ANKRD17: variants seen among roughly 807,000 people sequenced by gnomAD.
ANKRD17 encodes the protein ankyrin repeat domain 17, also known as ankyrin repeat domain-containing protein 17.
ANKRD17 carries 19 observed loss-of-function variants against 229.7 expected under a neutral mutation model. The ratio of observed to expected loss-of-function variants is 0.08; its 90% CI spans 0.06 to 0.12. The LOEUF is 0.12. Among genes scored for constraint, ANKRD17 ranks in the 10% least tolerant of loss-of-function variants. The pLI, the probability that ANKRD17 is intolerant of heterozygous loss-of-function variation, is 1.00. For missense variants in ANKRD17, 2,176 were observed against 3,176.8 expected, an observed-to-expected ratio of 0.68 and a Z score of 7.57; for synonymous variants, 1,112 against 1,146.1, an observed-to-expected ratio of 0.97 and a Z score of 0.60.
chr4:73,151,392 A>C lies in ANKRD17; in HGVS notation c.1329+38T>G, dbSNP rs1730988899. On this transcript the variant is annotated intron_variant, in intron 7 of 33. Coordinates refer to ENST00000358602, the MANE Select transcript of ANKRD17 (RefSeq NM_032217.5). Reference sequence around the variant, plus strand: ...TATACTACTCTGTCTCTCCCTGGTTAATATATAAACATATTTGACATATTT... The same window carrying C: ...TATACTACTCTGTCTCTCCCTGGTTCATATATAAACATATTTGACATATTT... 3 of 1,578,974 alleles carry C rather than the reference A, an allele frequency of 1.9e-6. No homozygotes were observed. In the Admixed American group the frequency reaches 5.1e-5, roughly 27 times the overall value.
At chr4:73,135,739 A>C (rs911879324) in intron 15 of ANKRD17, among the ~76,000 whole-genome samples, 24 of 152,194 alleles carry the variant, frequency 1.6e-4, no homozygotes, top group African/African-American at 4.6e-4. Context: ...TCACTATGCA[A>C]TCATTTAAAA....
chr4:73,113,252 A>G (rs1172653244), intron 24 of ANKRD17: 1 of 1,289,378 alleles, frequency 7.8e-7, no homozygotes, highest in African/African-American at 1.5e-5. Context: ...TCCAAACTAT[A>G]TGCTGTTTTG....
chr4:73,160,061 A>G (rs1331068209), intron 3 of ANKRD17, among the ~76,000 whole-genome samples: 1 of 152,138 alleles, frequency 6.6e-6, no homozygotes, highest in Non-Finnish European at 1.5e-5. Context: ...GATGTTCTCA[A>G]TTGTTTTAAG....
rs1026179151 is a variant in ANKRD17 at position 73,223,117 on chromosome 4, T to C, written c.393+35159A>G. The C allele has an allele frequency of 4.6e-5, 65 of 1,419,620 alleles. No individual in the cohort carries two copies. The Middle Eastern group carries it at 8.7e-4, about 19-fold the overall frequency. 87.9% of individuals were successfully genotyped at this position (1,419,620 alleles called of 1,614,324 possible). On this transcript the variant is annotated intron_variant, in intron 1 of 33. Transcript: ENST00000358602. ...TCTGTGTCAGCAAGGGAACAGGAAA[T>C]GGAATGTTCTATTACATGCCTAAAG... is the stretch of plus-strand genomic sequence containing the variant.
At chr4:73,087,447 G>C (rs1412945351) in intron 29 of ANKRD17, among the ~76,000 whole-genome samples, 1 of 152,102 alleles carries the variant, frequency 6.6e-6, no homozygotes, top group Non-Finnish European at 1.5e-5. Context: ...GCTCCTTCCT[G>C]AAATATTTGA....
chr4:73,173,740 T>C (rs1734344667), intron 2 of ANKRD17, among the ~76,000 whole-genome samples: 2 of 151,912 alleles, frequency 1.3e-5, no homozygotes, highest in Admixed American at 1.3e-4. Context: ...ATAACAAAAA[T>C]GAATACAGGG....
intron 2 of ANKRD17, among the ~76,000 whole-genome samples, chr4:73,176,876 T>A (rs1298406659): frequency 6.6e-6 from 1 of 152,020 alleles, no homozygotes; most frequent in African/African-American, 2.4e-5. Flanking sequence ...AATTAAAAAA[T>A]TAACACCAAC....
intron 2 of ANKRD17, among the ~76,000 whole-genome samples, chr4:73,167,251 A>T (rs919403784): frequency 7.2e-5 from 11 of 152,174 alleles, no homozygotes; most frequent in African/African-American, 2.2e-4. Context: ...GAGAATTTCC[A>T]TTTAAAAAGG....
At chr4:73,103,561 ACT>A (rs1578056407) in intron 24 of ANKRD17, among the ~76,000 whole-genome samples, 1 of 152,166 alleles carries the variant, frequency 6.6e-6, no homozygotes, top group Non-Finnish European at 1.5e-5. Context: ...TCATCTTCAA[ACT>A]CTGTCTGCAT....
intron 1 of ANKRD17, among the ~76,000 whole-genome samples, chr4:73,206,492 G>A (rs1739473769): frequency 1.3e-5 from 2 of 152,062 alleles, no homozygotes; most frequent in South Asian, 2.1e-4. Context: ...GGGAGGGAAA[G>A]ATAGAAAGAA....
intron 1 of ANKRD17, among the ~76,000 whole-genome samples, chr4:73,219,093 A>G (rs947321116): frequency 5.9e-5 from 9 of 152,166 alleles, no homozygotes; most frequent in African/African-American, 2.2e-4. Flanking sequence ...TCTGTCCAAC[A>G]TTTCTCAACT....
intron 1 of ANKRD17, among the ~76,000 whole-genome samples, chr4:73,256,643 T>C (rs1399596523): frequency 6.6e-6 from 1 of 152,216 alleles, no homozygotes; most frequent in Non-Finnish European, 1.5e-5. Flanking sequence ...ACCTGTAAAA[T>C]GTTTCTCACC....
At chr4:73,156,344 A>G (rs1731656946) in intron 3 of ANKRD17, among the ~76,000 whole-genome samples, 178 bp from the exon 4 acceptor site, 1 of 152,158 alleles carries the variant, frequency 6.6e-6, no homozygotes. Flanking sequence ...CCTGGCCTCA[A>G]GCAATCCTCC....
At chr4:73,198,564 G>C (rs1470093426) in intron 1 of ANKRD17, among the ~76,000 whole-genome samples, 4 of 151,840 alleles carry the variant, frequency 2.6e-5, no homozygotes, top group Non-Finnish European at 5.9e-5. Flanking sequence ...TGTAAAAGGA[G>C]AAAGAAAAAT....
chr4:73,232,374 G>A (rs1238086735), intron 1 of ANKRD17, among the ~76,000 whole-genome samples: 2 of 152,080 alleles, frequency 1.3e-5, no homozygotes, highest in East Asian at 3.9e-4. Flanking sequence ...ATCTTATTTA[G>A]AGGCACTGGA....
intron 2 of ANKRD17, among the ~76,000 whole-genome samples, chr4:73,171,185 GA>G (rs1733966387): frequency 7.3e-6 from 1 of 137,746 alleles, no homozygotes; most frequent in African/African-American, 2.7e-5. Context: ...GGGGGAGAGA[GA>G]GAGAGAGAGA....
At chr4:73,209,633 TAC>T (rs1739989682) in intron 1 of ANKRD17, among the ~76,000 whole-genome samples, 1 of 149,552 alleles carries the variant, frequency 6.7e-6, no homozygotes, top group Non-Finnish European at 1.5e-5. Context: ...GCATTTCCCT[TAC>T]GCAAAAAAGA....
intron 16 of ANKRD17, among the ~76,000 whole-genome samples, chr4:73,129,702 A>G (rs1163211502): frequency 1.3e-5 from 2 of 151,480 alleles, no homozygotes; most frequent in Non-Finnish European, 2.9e-5. Flanking sequence ...GGCTGACAAG[A>G]GTGAGACCCT....
Position 73,155,951 on chromosome 4 carries a change from T to C in ANKRD17, c.852+68A>G, listed in dbSNP as rs2148888059. Reference sequence around the variant, plus strand: ...CTAATGGTTGGAAGGATTTATTTTATTATTTCCTTAGTAAGCAAGCCAGTT... The same window carrying C: ...CTAATGGTTGGAAGGATTTATTTTACTATTTCCTTAGTAAGCAAGCCAGTT... On this transcript the variant is annotated intron_variant, in intron 4 of 33. Transcript: ENST00000358602. The C allele has an allele frequency of 2.6e-6, 4 of 1,514,730 alleles. No homozygotes were observed. The African/African-American group carries it at 5.6e-5, about 21-fold the overall frequency. The allele number at this position is 1,514,730 out of a possible 1,614,324, so 93.8% of individuals were successfully genotyped here. A position where few individuals can be genotyped will look rare whatever the true frequency, so the allele number is the denominator to read the frequency against.
Sources: gnomAD v4.1 joint callset for allele counts (sites outside exome capture counted in the v4.1 genomes callset) on GRCh38, gnomAD v4.1.1 for gene constraint, MANE v1.5 for transcripts, NCBI Gene and HGNC (gene_info 2026-07-23, HGNC 2026-07-21) for gene names.